The following MET variants were observed in gnomAD, a reference collection of about 807,000 sequenced individuals.
MET encodes the protein hepatocyte growth factor receptor.
MET carries 48 observed loss-of-function variants against 133.1 expected under a neutral mutation model. That is an observed-to-expected ratio of 0.36 (90% CI 0.29 to 0.46). The LOEUF is 0.46. Ranked by LOEUF, MET falls within the 20% of genes least tolerant of loss-of-function variation. The pLI is 1.00. For missense variants in MET, 1,442 were observed against 1,695.9 expected (o/e 0.85, Z 2.63); for synonymous variants, 628 against 616.5 (o/e 1.02, Z -0.28).
At chr7:116,758,728 A>G in intron 9 of MET, 108 bp downstream of exon 9, 1 of 1,133,818 alleles carries the variant, frequency 8.8e-7, no homozygotes, top group Non-Finnish European at 1.3e-6. Context: ...TGATGCTGTT[A>G]TGTTGCTTTT....
intron 12 of MET, 139 bp downstream of exon 12, chr7:116,769,930 A>G: frequency 8.0e-7 from 1 of 1,248,534 alleles, no homozygotes; most frequent in Non-Finnish European, 1.1e-6. Flanking sequence ...CCTAGTTGTT[A>G]TTTTAGAAAT....
chr7:116,744,401 A>G (rs1273414936), intron 5 of MET, among the ~76,000 whole-genome samples: 2 of 152,238 alleles, frequency 1.3e-5, no homozygotes, highest in Non-Finnish European at 2.9e-5. Flanking sequence ...ATACACAAGT[A>G]TCAATAGCCA....
intron 5 of MET, among the ~76,000 whole-genome samples, chr7:116,745,628 C>T (rs1343980167): frequency 6.6e-6 from 1 of 152,142 alleles, no homozygotes; most frequent in East Asian, 1.9e-4. Flanking sequence ...TAATACCACA[C>T]ATCTACAACT....
chr7:116,763,539 G>A (rs765646981), intron 11 of MET, among the ~76,000 whole-genome samples: 20 of 152,288 alleles, frequency 1.3e-4, no homozygotes, highest in South Asian at 4.1e-4. Flanking sequence ...GAGGATCCGC[G>A]TCATGCATTA....
In MET at chr7:116,674,859, C is replaced by T. The variant is rs73469167; in HGVS notation, c.-15+2282C>T. Among the ~76,000 whole-genome samples, 571 of 152,332 alleles carry T rather than the reference C, an allele frequency of 3.7e-3. 8 individuals are homozygous for T. Among genetic ancestry groups the T allele is most frequent in the African/African-American group, 0.013 (535 of 41,560 alleles). On this transcript the variant is annotated intron_variant, in intron 1 of 20. Coordinates refer to ENST00000397752, the MANE Select transcript of MET (RefSeq NM_000245.4). The stretch of plus-strand genomic sequence containing the variant: ...GCTTAGTGATTCTCGCCAGAGCCAT[C>T]TACGCTTTCTTTTCCGTGGTCTAAA...
At chr7:116,758,920 T>A (rs958077211) in intron 9 of MET, among the ~76,000 whole-genome samples, 10 of 152,214 alleles carry the variant, frequency 6.6e-5, no homozygotes, top group Non-Finnish European at 1.0e-4. Context: ...TACATATCAA[T>A]TCTATACTAA....
rs45612435 is a variant in MET at position 116,774,917 on chromosome 7, G to T, written c.3065G>T (p.Arg1022Leu). 20 of 1,613,978 alleles carry T rather than the reference G, an allele frequency of 1.2e-5. No individual in the cohort carries two copies. Among genetic ancestry groups the T allele is most frequent in the Non-Finnish European group, 1.7e-5 (20 of 1,179,962 alleles). ...AATTCATCTCAGAACGGTTCATGCCGACAAGTGCAGTATCCTCTGACAGAC... is the reference window on the plus strand; with the variant it reads ...AATTCATCTCAGAACGGTTCATGCCTACAAGTGCAGTATCCTCTGACAGAC... ...FPNSSQNGSC[R>L]QVQYPLTDMS... Residue 1022 changes from arginine (R) to leucine (L), a missense_variant, in exon 15 of 21, where the codon CGA becomes CTA. Physicochemically the swap from Arg to Leu is moderately radical, Grantham distance 102. This residue lies in a region of MET where 514 missense variants were observed against 659.6 expected (regional missense o/e 0.78). Coordinates refer to ENST00000397752, the MANE Select transcript of MET (RefSeq NM_000245.4).
At chr7:116,729,011 T>C (rs1584911106) in intron 2 of MET, among the ~76,000 whole-genome samples, 1 of 152,218 alleles carries the variant, frequency 6.6e-6, no homozygotes, top group East Asian at 1.9e-4. Flanking sequence ...ATATTTCAAA[T>C]GGCCTTAGAT....
At chr7:116,676,988 GTT>G (rs11404514) in intron 1 of MET, among the ~76,000 whole-genome samples, 9 of 147,702 alleles carry the variant, frequency 6.1e-5, no homozygotes, top group South Asian at 4.3e-4. Flanking sequence ...GTGTTGTTTT[GTT>G]TTTTTTTTTG....
chr7:116,703,086 G>A (rs2237713), intron 2 of MET, among the ~76,000 whole-genome samples: 10,954 of 152,100 alleles, frequency 0.072, 560 homozygotes, highest in African/African-American at 0.14. Context: ...CCCAGTACTC[G>A]TCATCTTCAC....
rs1157793713 is a variant in MET at position 116,723,795 on chromosome 7, G to A, written c.1201-7873G>A. Among the ~76,000 whole-genome samples, 147 of 152,114 alleles carry A rather than the reference G, an allele frequency of 9.7e-4. 1 individual carries two copies. The highest frequency in any genetic ancestry group is 3.1e-3 in the African/African-American group (127 of 41,452). On this transcript the variant is annotated intron_variant, in intron 2 of 20. Coordinates refer to ENST00000397752, the MANE Select transcript of MET (RefSeq NM_000245.4). ...GGGGTGCCTCCCAGTTAGGCTGCTC[G>A]GGGGTCAGGGGTCAGGGACCCACTT...
intron 11 of MET, among the ~76,000 whole-genome samples, chr7:116,769,326 C>G (rs993930730): frequency 1.3e-5 from 2 of 152,132 alleles, no homozygotes; most frequent in African/African-American, 2.4e-5. Flanking sequence ...ATTGATACCC[C>G]CTGAGGACAA....
chr7:116,764,159 A>G (rs1270491965), intron 11 of MET, among the ~76,000 whole-genome samples: 1 of 151,902 alleles, frequency 6.6e-6, no homozygotes, highest in Non-Finnish European at 1.5e-5. Flanking sequence ...TTCCATTGAA[A>G]TTTTTCTGAC....
At chr7:116,756,101 A>G (rs558870053) in intron 6 of MET, among the ~76,000 whole-genome samples, 4 of 152,220 alleles carry the variant, frequency 2.6e-5, no homozygotes, top group African/African-American at 4.8e-5. Context: ...TAAAAGAGGT[A>G]CCTGAAGTTC....
At chr7:116,792,434 C>A (rs1471639389) in intron 19 of MET, among the ~76,000 whole-genome samples, 1 of 147,982 alleles carries the variant, frequency 6.8e-6, no homozygotes, top group Non-Finnish European at 1.5e-5. Flanking sequence ...TCCCCTCACC[C>A]CCGACCCCCC....
intron 13 of MET, 51 bp from the exon 14 acceptor site, chr7:116,771,798 G>T (rs2116994975): frequency 6.2e-7 from 1 of 1,612,586 alleles, no homozygotes; most frequent in East Asian, 2.2e-5. Flanking sequence ...AAGTCTCCTG[G>T]GGCCCATGAT....
chr7:116,712,085 G>A (rs931008116), intron 2 of MET, among the ~76,000 whole-genome samples: 3 of 152,104 alleles, frequency 2.0e-5, no homozygotes, highest in Non-Finnish European at 2.9e-5. Context: ...TGTCCTACAC[G>A]CAACCTGTCA....
intron 3 of MET, among the ~76,000 whole-genome samples, chr7:116,732,737 CT>C: frequency 6.6e-6 from 1 of 152,124 alleles, no homozygotes; most frequent in Non-Finnish European, 1.5e-5. Context: ...GAATGATAAG[CT>C]TTTCCTATAA....
At chr7:116,716,481 G>GAA (rs569934255) in intron 2 of MET, among the ~76,000 whole-genome samples, 1 of 123,446 alleles carries the variant, frequency 8.1e-6, no homozygotes, top group Non-Finnish European at 1.7e-5. Context: ...AAGAAAGAAA[G>GAA]AAAGAAAGAA....
Sources: allele counts gnomAD v4.1 joint callset (sites outside exome capture counted in the v4.1 genomes callset), GRCh38; gene constraint gnomAD v4.1.1; regional missense constraint gnomAD v4.1.1; transcripts MANE v1.5; gene names NCBI Gene and HGNC (gene_info 2026-07-23, HGNC 2026-07-21).